Variants in GFRA2 observed in about 807,000 individuals in gnomAD.
GFRA2 encodes GDNF family receptor alpha-2.
A neutral mutation model predicts 48.3 loss-of-function variants in GFRA2; 17 were observed. The observed-to-expected ratio is 0.35, with a 90% CI of 0.24 to 0.53. The LOEUF is 0.53. Among genes scored for constraint, GFRA2 ranks in the 20% least tolerant of loss-of-function variants. The pLI is 0.93. For synonymous variants in GFRA2, 305 were observed against 257.2 expected (o/e 1.19, Z -1.78); for missense variants, 660 against 637.3 (o/e 1.04, Z -0.38).
intron 7 of GFRA2, among the ~76,000 whole-genome samples, chr8:21,702,225 G>A (rs114760491): frequency 0.012 from 1,869 of 152,310 alleles, 26 homozygotes; most frequent in African/African-American, 0.042. Context: ...AGTGGAGGGA[G>A]CAGGACATGG....
At chr8:21,801,280 C>G (rs2117113864) in intron 2 of GFRA2, among the ~76,000 whole-genome samples, 1 of 152,172 alleles carries the variant, frequency 6.6e-6, no homozygotes, top group East Asian at 1.9e-4. Context: ...ACCCCTCAGG[C>G]CTCCCAACAC....
At chr8:21,786,959 T>C (rs1807301842) in intron 1 of GFRA2, among the ~76,000 whole-genome samples, 5 of 151,724 alleles carry the variant, frequency 3.3e-5, no homozygotes, top group Non-Finnish European at 7.4e-5. Flanking sequence ...AACTACACCC[T>C]CACTGAAGCA....
rs187318088 is a variant in GFRA2 at position 21,701,208 on chromosome 8, C to A, written c.1218+1597G>T. Among the ~76,000 whole-genome samples, 380 of 152,278 alleles carry A rather than the reference C, an allele frequency of 2.5e-3. 2 individuals are homozygous for A. The highest frequency in any genetic ancestry group is 0.01 in the Middle Eastern group (3 of 294). ...AGGAGATCGAGACCATCCTGGCTAA[C>A]GCGGTGAAACCCCGTCTCTACTAAA... On this transcript the variant is annotated intron_variant, in intron 7 of 8. Transcript: ENST00000524240.
At chr8:21,806,689 A>C (rs1182032143) in intron 1 of GFRA2, among the ~76,000 whole-genome samples, 2 of 150,744 alleles carry the variant, frequency 1.3e-5, no homozygotes, top group Non-Finnish European at 3.0e-5. Flanking sequence ...CTGCTCTTGA[A>C]CTCCTCCGTT....
At chr8:21,802,117 C>G (rs1807782870) in intron 2 of GFRA2, among the ~76,000 whole-genome samples, 1 of 152,234 alleles carries the variant, frequency 6.6e-6, no homozygotes. Context: ...ACCCTTCTCA[C>G]TCCTCACCCT....
At chr8:21,744,664 T>G in intron 4 of GFRA2, among the ~76,000 whole-genome samples, 1 of 150,458 alleles carries the variant, frequency 6.6e-6, no homozygotes, top group Middle Eastern at 3.4e-3. Flanking sequence ...ATGTAGATCT[T>G]GGCCCACTGT....
chr8:21,731,546 GC>G (rs1804194868), intron 4 of GFRA2, among the ~76,000 whole-genome samples: 1 of 152,076 alleles, frequency 6.6e-6, no homozygotes, highest in African/African-American at 2.4e-5. Context: ...CTGGCAGCCT[GC>G]CAGGAATGAG....
chr8:21,727,594 C>A (rs1426160650), intron 4 of GFRA2, among the ~76,000 whole-genome samples: 1 of 152,176 alleles, frequency 6.6e-6, no homozygotes, highest in Non-Finnish European at 1.5e-5. Flanking sequence ...TCCTAGATTC[C>A]CAGTGCCCTT....
At chr8:21,694,077 T>TTATATATATATATATATATATATATA in intron 8 of GFRA2, among the ~76,000 whole-genome samples, 1 of 109,294 alleles carries the variant, frequency 9.1e-6, no homozygotes, top group Non-Finnish European at 2.0e-5. Context: ...TTATTTATTT[T>TTATATATATATATATATATATATATA]TATATATATA....
chr8:21,784,819 G>A (rs1333569821), intron 1 of GFRA2, among the ~76,000 whole-genome samples: 3 of 152,122 alleles, frequency 2.0e-5, no homozygotes, highest in Non-Finnish European at 4.4e-5. Flanking sequence ...GCACTGGCTG[G>A]AGAGCTGTCC....
intron 3 of GFRA2, among the ~76,000 whole-genome samples, chr8:21,758,515 TG>T (rs1374586221): frequency 1.3e-5 from 2 of 152,162 alleles, no homozygotes; most frequent in East Asian, 3.9e-4. Flanking sequence ...TGTCCGTCCC[TG>T]AGCCCACCCT....
intron 7 of GFRA2, among the ~76,000 whole-genome samples, chr8:21,696,705 T>C (rs890828716): frequency 5.9e-5 from 9 of 152,198 alleles, no homozygotes; most frequent in Non-Finnish European, 1.2e-4. Context: ...AACTGGACTT[T>C]GCTCCTCGGA....
intron 3 of GFRA2, among the ~76,000 whole-genome samples, chr8:21,758,708 G>C (rs528494039): frequency 2.4e-4 from 37 of 152,056 alleles, no homozygotes; most frequent in Non-Finnish European, 3.8e-4. Context: ...CTTATATTTT[G>C]TGCCTCTCTC....
intron 4 of GFRA2, among the ~76,000 whole-genome samples, chr8:21,730,507 C>T (rs1389076637): frequency 6.6e-6 from 1 of 152,122 alleles, no homozygotes; most frequent in Non-Finnish European, 1.5e-5. Flanking sequence ...CTATCTGCAC[C>T]ACAGAGGGAG....
intron 4 of GFRA2, among the ~76,000 whole-genome samples, chr8:21,716,012 G>T (rs894460721): frequency 2.6e-5 from 4 of 151,976 alleles, no homozygotes; most frequent in African/African-American, 7.2e-5. Context: ...AAGGTAGTTG[G>T]GTCTCTGTCA....
chr8:21,742,197 A>C (rs1469765026), intron 4 of GFRA2, among the ~76,000 whole-genome samples: 1 of 152,160 alleles, frequency 6.6e-6, no homozygotes, highest in Non-Finnish European at 1.5e-5. Flanking sequence ...TTAAACCCCT[A>C]ATCTCCAGCG....
intron 4 of GFRA2, among the ~76,000 whole-genome samples, chr8:21,725,365 C>T (rs907377026): frequency 1.3e-5 from 2 of 152,224 alleles, no homozygotes; most frequent in Non-Finnish European, 2.9e-5. Flanking sequence ...GGGCAAGAGG[C>T]CAGGGCAGAA....
In GFRA2 at chr8:21,778,786, C is replaced by T. The variant is rs993985499; in HGVS notation, c.356-3731G>A. Among the ~76,000 whole-genome samples, 3 of 152,258 alleles carry T rather than the reference C, an allele frequency of 2.0e-5. No individual in the cohort carries two copies. In the East Asian group the frequency reaches 5.8e-4, roughly 29 times the overall value. On this transcript the variant is annotated intron_variant, in intron 2 of 8. Transcript: ENST00000524240. ...CCTGTAGTCCTAGCTTCTCGGGAGG[C>T]TGAGGCAGAAGGGTCACTTCAGCCC...
chr8:21,723,526 C>T (rs1272950727), intron 4 of GFRA2, among the ~76,000 whole-genome samples: 1 of 152,192 alleles, frequency 6.6e-6, no homozygotes, highest in African/African-American at 2.4e-5. Flanking sequence ...AAAAGAGATT[C>T]CCCAGAGAGC....
Sources: gnomAD v4.1 joint callset for allele counts (sites outside exome capture counted in the v4.1 genomes callset) on GRCh38, gnomAD v4.1.1 for gene constraint, MANE v1.5 for transcripts, NCBI Gene and HGNC (gene_info 2026-07-23, HGNC 2026-07-21) for gene names.